IGSF21: variants seen among roughly 807,000 people sequenced by gnomAD.
The protein encoded by IGSF21 is immunoglobin superfamily member 21, also known as immunoglobulin superfamily member 21.
A neutral mutation model predicts 46.8 loss-of-function variants in IGSF21; 28 were observed. The ratio of observed to expected loss-of-function variants is 0.60; its 90% CI spans 0.44 to 0.82. The LOEUF is 0.82. Among genes scored for constraint, IGSF21 ranks in the 40% least tolerant of loss-of-function variants. The pLI, the probability that IGSF21 is intolerant of heterozygous loss-of-function variation, is 0.00. For missense variants in IGSF21, 624 were observed against 665.5 expected (o/e 0.94, Z 0.69); for synonymous variants, 284 against 273.6 (o/e 1.04, Z -0.38).
chr1:18,255,412 G>A (rs1043411941), intron 2 of IGSF21, among the ~76,000 whole-genome samples: 1 of 152,054 alleles, frequency 6.6e-6, no homozygotes, highest in East Asian at 1.9e-4. Flanking sequence ...TGCTGTGATT[G>A]GGACAGACAT....
chr1:18,128,788 C>CTGTGTG (rs10534606), intron 1 of IGSF21, among the ~76,000 whole-genome samples: 4 of 149,658 alleles, frequency 2.7e-5, no homozygotes, highest in African/African-American at 7.4e-5. Context: ...TGCTCATTCG[C>CTGTGTG]TGTGTGTGTG....
chr1:18,340,287 A>T (rs566191814), intron 4 of IGSF21, among the ~76,000 whole-genome samples: 1 of 152,224 alleles, frequency 6.6e-6, no homozygotes, highest in South Asian at 2.1e-4. Flanking sequence ...AAGATGAGCA[A>T]GTGAAGAGAT....
At chr1:18,157,855 C>T (rs1350306330) in intron 1 of IGSF21, among the ~76,000 whole-genome samples, 1 of 152,116 alleles carries the variant, frequency 6.6e-6, no homozygotes, top group Non-Finnish European at 1.5e-5. Context: ...TGACTCAGGG[C>T]TCCCATAGGG....
chr1:18,306,432 C>T (rs1488356843), intron 3 of IGSF21, among the ~76,000 whole-genome samples: 1 of 152,118 alleles, frequency 6.6e-6, no homozygotes, highest in African/African-American at 2.4e-5. Flanking sequence ...CCCATTGATC[C>T]GATTTGTTTG....
At chr1:18,282,170 G>T (rs1237650620) in intron 2 of IGSF21, among the ~76,000 whole-genome samples, 1 of 152,108 alleles carries the variant, frequency 6.6e-6, no homozygotes, top group Non-Finnish European at 1.5e-5. Context: ...TGGGCCTGGG[G>T]GTTCCGGACT....
In IGSF21 at chr1:18,369,664, G is replaced by A. The variant is rs542349127; in HGVS notation, c.1015+3967G>A. Among the ~76,000 whole-genome samples the A allele has an allele frequency of 7.9e-5, 12 of 152,216 alleles. No homozygotes were observed. In the South Asian group the frequency reaches 2.5e-3, roughly 32 times the overall value. On this transcript the variant is annotated intron_variant, in intron 6 of 9. Coordinates refer to ENST00000251296, the MANE Select transcript of IGSF21 (RefSeq NM_032880.5). ...CAGTGGGACGGATTAGATGACCTCA[G>A]AGCACAAAATCCAATCATTCAACAA...
At chr1:18,376,431 G>A (rs750922090) in intron 7 of IGSF21, 36 bp downstream of exon 7, 3 of 1,461,986 alleles carry the variant, frequency 2.1e-6, no homozygotes, top group African/African-American at 2.8e-5. Flanking sequence ...AGGGTGGTGG[G>A]AGGTGGTAGA....
At chr1:18,155,848 C>G (rs1222373498) in intron 1 of IGSF21, among the ~76,000 whole-genome samples, 3 of 152,246 alleles carry the variant, frequency 2.0e-5, no homozygotes, top group African/African-American at 7.2e-5. Context: ...GCGCCATGCT[C>G]CCATCCCTGC....
intron 1 of IGSF21, among the ~76,000 whole-genome samples, chr1:18,208,548 A>ATTTTTTT (rs10601446): frequency 2.8e-3 from 237 of 85,568 alleles, no homozygotes; most frequent in East Asian, 3.9e-3. Flanking sequence ...AGCCCAGCTA[A>ATTTTTTT]TTTTTTTTTT....
rs55780171 is a variant in IGSF21, at chr1:18,341,045, C to CT, written c.424+6036dup. 9.6e-3 allele frequency among the ~76,000 whole-genome samples: 753 copies of CT among 78,360 alleles called. 5 individuals carry two copies. Among genetic ancestry groups the CT allele is most frequent in the Admixed American group, 0.026 (166 of 6,326 alleles). 51.4% of individuals were successfully genotyped at this position (78,360 alleles called of 152,430 possible). A position where few individuals can be genotyped will look rare whatever the true frequency, so the allele number is the denominator to read the frequency against. On this transcript the variant is annotated intron_variant, in intron 4 of 9. Transcript: ENST00000251296. ...CTTCTTCTTCTTCTTCTTCTTCTTC[C>CT]TCTTCCTCTTCCTCTTCTTCTTCTT...
intron 2 of IGSF21, among the ~76,000 whole-genome samples, chr1:18,230,179 C>T (rs1022718417): frequency 6.6e-6 from 1 of 152,168 alleles, no homozygotes; most frequent in Non-Finnish European, 1.5e-5. Context: ...AGCAGGTTTC[C>T]ACATGGCTTG....
At chr1:18,191,812 C>A (rs1036301465) in intron 1 of IGSF21, among the ~76,000 whole-genome samples, 1 of 152,192 alleles carries the variant, frequency 6.6e-6, no homozygotes, top group African/African-American at 2.4e-5. Context: ...GATCTGTTTG[C>A]AACCTGGGCA....
intron 1 of IGSF21, among the ~76,000 whole-genome samples, chr1:18,142,143 AC>A (rs1480876400): frequency 6.6e-6 from 1 of 152,174 alleles, no homozygotes; most frequent in East Asian, 1.9e-4. Flanking sequence ...ACCAAAACCA[AC>A]AGGGTGAGGA....
At chr1:18,309,364 GA>G (rs2085458025) in intron 3 of IGSF21, among the ~76,000 whole-genome samples, 1 of 152,106 alleles carries the variant, frequency 6.6e-6, no homozygotes, top group South Asian at 2.1e-4. Flanking sequence ...CCATGGAGGG[GA>G]TGCCACTGTT....
intron 1 of IGSF21, among the ~76,000 whole-genome samples, chr1:18,184,028 C>A (rs2086880921): frequency 6.6e-6 from 1 of 152,096 alleles, no homozygotes; most frequent in African/African-American, 2.4e-5. Context: ...CACAAGGTAA[C>A]ACAGGATAGT....
At chr1:18,376,744 T>G in intron 7 of IGSF21, 56 bp from the exon 8 acceptor site, 1 of 1,516,654 alleles carries the variant, frequency 6.6e-7, no homozygotes, top group East Asian at 2.3e-5. Context: ...GACCCCTTGC[T>G]GATCTGGCAG....
At chr1:18,236,776 T>C (rs979447319) in intron 2 of IGSF21, among the ~76,000 whole-genome samples, 2 of 152,046 alleles carry the variant, frequency 1.3e-5, no homozygotes, top group Non-Finnish European at 2.9e-5. Context: ...GTTTCAGAAA[T>C]AGTAGAGTCA....
chr1:18,183,998 C>T lies in IGSF21; in HGVS notation c.71-43900C>T, dbSNP rs76514624. Among the ~76,000 whole-genome samples, 782 of 152,096 alleles carry T rather than the reference C, an allele frequency of 5.1e-3. 7 individuals are homozygous for T. The highest frequency in any genetic ancestry group is 0.018 in the African/African-American group (746 of 41,466). The stretch of plus-strand genomic sequence containing the variant: ...AGGGGAGAAGGGAGTGGGTATTTGC[C>T]GAACACCAGTTCAAGCATTCACAAG... On this transcript the variant is annotated intron_variant, in intron 1 of 9. Transcript: ENST00000251296.
chr1:18,332,065 T>G (rs1270659556), intron 3 of IGSF21, among the ~76,000 whole-genome samples: 1 of 152,224 alleles, frequency 6.6e-6, no homozygotes, highest in African/African-American at 2.4e-5. Flanking sequence ...TACCCCGAGC[T>G]GTCTTCTATA....
Sources: allele counts gnomAD v4.1 joint callset (sites outside exome capture counted in the v4.1 genomes callset), GRCh38; gene constraint gnomAD v4.1.1; transcripts MANE v1.5; gene names NCBI Gene and HGNC (gene_info 2026-07-23, HGNC 2026-07-21).